Variants in CHKA observed in about 807,000 individuals in gnomAD.
CHKA encodes the protein choline kinase alpha, also known as CHETK-alpha.
CHKA carries 34 observed loss-of-function variants against 60.1 expected under a neutral mutation model. The observed-to-expected ratio is 0.57, with a 90% CI of 0.43 to 0.75. CHKA has a LOEUF of 0.75. Ranked by LOEUF, CHKA falls within the 30% of genes least tolerant of loss-of-function variation. The probability of loss-of-function intolerance (pLI) is 0.00; values close to 1 mark genes in which losing one functional copy is unlikely to be tolerated. For missense variants in CHKA, 563 were observed against 561.3 expected (o/e 1.00, Z -0.03); for synonymous variants, 217 against 223.1 (o/e 0.97, Z 0.24).
chr11:68,092,302 A>G (rs1332049433), intron 2 of CHKA, among the ~76,000 whole-genome samples: 3 of 152,214 alleles, frequency 2.0e-5, no homozygotes, highest in Admixed American at 2.0e-4. Flanking sequence ...ACAATTTATC[A>G]TAAATTCTGG....
chr11:68,121,049 G>C lies in CHKA; in HGVS notation c.129C>G (p.Leu43=). Residue 43 remains leucine, a synonymous_variant, in exon 1 of 12, where the codon CTC becomes CTG. Transcript: ENST00000265689. ...VGQQRDAASD[L]ESKQLGGQQP... ...GTTGGCCGCCCAGCTGCTTGGACTC[G>C]AGGTCGCTGGCGGCGTCGCGCTGCT... 9.0e-7 allele frequency: 1 copy of C among 1,111,674 alleles called. No homozygotes were observed. The highest frequency in any genetic ancestry group is 1.1e-6 in the Non-Finnish European group (1 of 911,908). 68.9% of individuals were successfully genotyped at this position (1,111,674 alleles called of 1,614,324 possible).
chr11:68,114,540 A>G (rs1451259717), intron 1 of CHKA, among the ~76,000 whole-genome samples: 1 of 152,088 alleles, frequency 6.6e-6, no homozygotes, highest in Non-Finnish European at 1.5e-5. Context: ...TACTAAAAAT[A>G]CAAAAAATTA....
intron 2 of CHKA, among the ~76,000 whole-genome samples, chr11:68,093,977 C>T (rs553776763): frequency 2.2e-4 from 34 of 152,196 alleles, no homozygotes; most frequent in Non-Finnish European, 2.1e-4. Flanking sequence ...CTCCATTACT[C>T]CCATCACTAT....
rs189588124 is a variant in CHKA at position 68,110,085 on chromosome 11, T to C, written c.350+10743A>G. On this transcript the variant is annotated intron_variant, in intron 1 of 11. Transcript: ENST00000265689. The stretch of plus-strand genomic sequence containing the variant: ...AAATCCAACACCCACTCATGGTAAA[T>C]AATAAACTCTCAGAAAATGAGGAAT... Among the ~76,000 whole-genome samples, 405 of 152,168 alleles carry C rather than the reference T, an allele frequency of 2.7e-3. 4 individuals are homozygous for C. The highest frequency in any genetic ancestry group is 0.024 in the Admixed American group (371 of 15,282).
At chr11:68,102,017 T>C (rs567017960) in intron 1 of CHKA, among the ~76,000 whole-genome samples, 1 of 151,664 alleles carries the variant, frequency 6.6e-6, no homozygotes, top group African/African-American at 2.4e-5. Context: ...GGAGAATCTC[T>C]TGAACTCAGG....
intron 1 of CHKA, among the ~76,000 whole-genome samples, chr11:68,116,096 T>G (rs1184462885): frequency 6.6e-6 from 1 of 152,312 alleles, no homozygotes; most frequent in Admixed American, 6.5e-5. Flanking sequence ...GGGCCCAAGG[T>G]AGCATCCTCC....
intron 2 of CHKA, among the ~76,000 whole-genome samples, chr11:68,084,285 CATATAT>C (rs1379638860): frequency 7.0e-6 from 1 of 141,866 alleles, no homozygotes; most frequent in Non-Finnish European, 1.5e-5. Context: ...TATATATACA[CATATAT>C]ATACGTATAT....
chr11:68,078,825 A>G (rs1312054108), intron 3 of CHKA, among the ~76,000 whole-genome samples: 2 of 152,258 alleles, frequency 1.3e-5, no homozygotes, highest in African/African-American at 4.8e-5. Context: ...GAAATAGCCA[A>G]TGCAATCTTG....
intron 11 of CHKA, among the ~76,000 whole-genome samples, chr11:68,061,319 T>C (rs1452064719): frequency 6.6e-6 from 1 of 152,000 alleles, no homozygotes; most frequent in African/African-American, 2.4e-5. Flanking sequence ...TTGGCCAGGA[T>C]GGTCTCGAAC....
Position 68,098,457 on chromosome 11 carries a change from T to C in CHKA, c.351-1327A>G, listed in dbSNP as rs563348086. On this transcript the variant is annotated intron_variant, in intron 1 of 11. Transcript: ENST00000265689. ...TTAGTGGCTTAAAACTGAAAACAGA[T>C]TCTGATCGAGCTCATTAATTTTTAA... Among the ~76,000 whole-genome samples the C allele has an allele frequency of 5.3e-5, 8 of 152,190 alleles. No homozygotes were observed. The East Asian group carries it at 1.5e-3, about 29-fold the overall frequency.
chr11:68,121,366 C>T lies in CHKA; in HGVS notation c.-189G>A, dbSNP rs1397512020. On this transcript the variant is annotated 5_prime_UTR_variant, in exon 1 of 12. Transcript: ENST00000265689. ...GCGACTGTGGAGCGGGGATGTGCTG[C>T]TGGCCGCTGCACTCGCTCCTCTGCC... 3 of 204,434 alleles carry T rather than the reference C, an allele frequency of 1.5e-5. No homozygotes were observed. The highest frequency in any genetic ancestry group is 2.6e-5 in the Non-Finnish European group (3 of 114,678). 12.7% of individuals were successfully genotyped at this position (204,434 alleles called of 1,614,324 possible). A position where few individuals can be genotyped will look rare whatever the true frequency, so the allele number is the denominator to read the frequency against.
intron 2 of CHKA, among the ~76,000 whole-genome samples, chr11:68,095,843 A>G (rs1449509680): frequency 6.6e-6 from 1 of 150,718 alleles, no homozygotes; most frequent in Non-Finnish European, 1.5e-5. Flanking sequence ...CAAGTTTGAG[A>G]CCAGCCTGGC....
At chr11:68,112,883 C>G (rs909084212) in intron 1 of CHKA, among the ~76,000 whole-genome samples, 2 of 151,610 alleles carry the variant, frequency 1.3e-5, no homozygotes, top group South Asian at 2.1e-4. Context: ...GAGATCAAGA[C>G]CATCCTGGCT....
intron 3 of CHKA, among the ~76,000 whole-genome samples, chr11:68,078,994 C>T (rs894399653): frequency 6.6e-6 from 1 of 151,662 alleles, no homozygotes; most frequent in Non-Finnish European, 1.5e-5. Context: ...AGTGCAGTGG[C>T]AAGATCTCGG....
chr11:68,060,004 GTTT>G (rs1385269426), intron 11 of CHKA, among the ~76,000 whole-genome samples: 1 of 148,154 alleles, frequency 6.7e-6, no homozygotes, highest in Middle Eastern at 3.2e-3. Context: ...GTTTTGTTTT[GTTT>G]TTGTTTCTGA....
At chr11:68,096,664 C>A (rs916565302) in intron 2 of CHKA, among the ~76,000 whole-genome samples, 4 of 152,072 alleles carry the variant, frequency 2.6e-5, no homozygotes, top group African/African-American at 4.8e-5. Context: ...AAAAACAATA[C>A]CTTCTCCACA....
chr11:68,055,883 T>TAAAA (rs60275931), intron 11 of CHKA, among the ~76,000 whole-genome samples: 1 of 140,410 alleles, frequency 7.1e-6, no homozygotes, highest in Non-Finnish European at 1.6e-5. Flanking sequence ...CGTCTCTACT[T>TAAAA]AAAAAAAAAA....
Position 68,085,995 on chromosome 11 carries a change from T to G in CHKA, c.463-4538A>C, listed in dbSNP as rs572711625. On this transcript the variant is annotated intron_variant, in intron 2 of 11. Transcript: ENST00000265689. ...AATATTCATATTACAGAGCACAGGT[T>G]TTCAAAATGTTCTACTTCATGCTTT... Among the ~76,000 whole-genome samples, 3 of 152,236 alleles carry G rather than the reference T, an allele frequency of 2.0e-5. No homozygotes were observed. In the South Asian group the frequency reaches 6.2e-4, roughly 32 times the overall value.
At chr11:68,059,647 C>T (rs916393839) in intron 11 of CHKA, among the ~76,000 whole-genome samples, 1 of 152,010 alleles carries the variant, frequency 6.6e-6, no homozygotes, top group Non-Finnish European at 1.5e-5. Flanking sequence ...TTTCTTTGAC[C>T]CAGGGTTTAT....
Sources: gnomAD v4.1 joint callset for allele counts (sites outside exome capture counted in the v4.1 genomes callset) on GRCh38, gnomAD v4.1.1 for gene constraint, MANE v1.5 for transcripts, NCBI Gene and HGNC (gene_info 2026-07-23, HGNC 2026-07-21) for gene names.